The following ALPK3 variants were observed in gnomAD, a reference collection of about 807,000 sequenced individuals.
ALPK3 encodes the protein alpha-protein kinase 3.
A neutral mutation model predicts 140.0 loss-of-function variants in ALPK3; 102 were observed. That is an observed-to-expected ratio of 0.73 (90% CI 0.62 to 0.86). ALPK3 has a LOEUF of 0.86. Among genes scored for constraint, ALPK3 ranks in the 40% least tolerant of loss-of-function variants. The pLI is 0.00. For synonymous variants in ALPK3, 938 were observed against 898.5 expected, an observed-to-expected ratio of 1.04 and a Z score of -0.79; for missense variants, 2,254 against 2,208.2, an observed-to-expected ratio of 1.02 and a Z score of -0.42.
intron 3 of ALPK3, 69 bp from the exon 4 acceptor site, chr15:84,838,911 C>G: frequency 7.1e-7 from 1 of 1,400,878 alleles, no homozygotes; most frequent in Non-Finnish European, 1.0e-6. Flanking sequence ...CGTGAGCCAC[C>G]GTGCCCGGCC....
At position 84,868,294 on chromosome 15, in the gene ALPK3, G is replaced by C; in HGVS notation, c.4956G>C (p.Leu1652=). The change falls in exon 14 of 14, where the codon CTG becomes CTC. Residue 1652 remains leucine, a synonymous_variant. Coordinates refer to ENST00000258888, the MANE Select transcript of ALPK3 (RefSeq NM_020778.5). ...SPSAGRKGSQ[L]SPQPQKKGLP... ...CTGCTGGCAGGAAAGGCTCCCAGCT[G>C]AGTCCTCAGCCCCAGAAGAAAGGCC... 1.2e-6 allele frequency: 2 copies of C among 1,614,112 alleles called. No homozygotes were observed. The highest frequency in any genetic ancestry group is 1.1e-5 in the South Asian group (1 of 91,082).
chr15:84,829,243 G>A (rs1361898077), intron 3 of ALPK3, among the ~76,000 whole-genome samples: 1 of 152,170 alleles, frequency 6.6e-6, no homozygotes, highest in Admixed American at 6.5e-5. Flanking sequence ...TGTTATGGTA[G>A]ATAAGGAATT....
rs568637711 is a variant in ALPK3, at chr15:84,859,679, G to T, written c.3966-97G>T. 7.6e-6 allele frequency: 11 copies of T among 1,456,174 alleles called. No homozygotes were observed. In the Admixed American group the frequency reaches 2.8e-4, roughly 37 times the overall value. 90.2% of individuals were successfully genotyped at this position (1,456,174 alleles called of 1,614,324 possible). A position where few individuals can be genotyped will look rare whatever the true frequency, so the allele number is the denominator to read the frequency against. On this transcript the variant is annotated intron_variant, in intron 7 of 13. Coordinates refer to ENST00000258888, the MANE Select transcript of ALPK3 (RefSeq NM_020778.5). ...GCTTCCCCAAAGCTCTCAGAGCTGG[G>T]GTTCACAGCAGCCTCTGAGAGTGGG...
intron 5 of ALPK3, among the ~76,000 whole-genome samples, chr15:84,846,800 T>C (rs1333081207): frequency 1.3e-5 from 2 of 152,222 alleles, no homozygotes; most frequent in Non-Finnish European, 2.9e-5. Flanking sequence ...TTGCCCAGGC[T>C]GGATTGCCTG....
At chr15:84,837,208 T>C (rs1244474413) in intron 3 of ALPK3, among the ~76,000 whole-genome samples, 1 of 152,266 alleles carries the variant, frequency 6.6e-6, no homozygotes, top group East Asian at 1.9e-4. Flanking sequence ...TGGAGGAGGC[T>C]GTGGGGTCAA....
chr15:84,857,117 C>T lies in ALPK3; in HGVS notation c.2379C>T (p.Pro793=), dbSNP rs887413105. 2.5e-6 allele frequency: 4 copies of T among 1,614,150 alleles called. No homozygotes were observed. The highest frequency in any genetic ancestry group is 1.1e-5 in the South Asian group (1 of 91,084). The change falls in exon 6 of 14, where the codon CCC becomes CCT. Residue 793 remains proline (P), a synonymous_variant. Coordinates refer to ENST00000258888, the MANE Select transcript of ALPK3 (RefSeq NM_020778.5). ...SRNHEQTVLG[P]LSGNLMLPAQ... is the part of the protein sequence containing the mutation. ...ACCATGAGCAAACTGTGCTGGGTCC[C>T]CTGTCAGGGAACCTCATGCTCCCAG...
At position 84,856,859 on chromosome 15, in the gene ALPK3, G is replaced by T; in HGVS notation, c.2121G>T (p.Glu707Asp). Reference protein sequence around the residue: ...RMQGEKGMQGEKGTQSEGSAP... With the variant: ...RMQGEKGMQGDKGTQSEGSAP... Reference sequence around the variant, plus strand: ...AGGGAGAGAAGGGGATGCAGGGAGAGAAGGGGACGCAGTCAGAGGGGAGCG... The same window carrying T: ...AGGGAGAGAAGGGGATGCAGGGAGATAAGGGGACGCAGTCAGAGGGGAGCG... The change falls in exon 6 of 14, where the codon GAG (glutamate) becomes GAT (aspartate). Residue 707 changes from glutamate to aspartate, a missense_variant. Around this residue, in one of 3 missense-constraint regions of ALPK3, gnomAD observed 2,088 missense variants for 2,022.9 expected, o/e 1.03. Coordinates refer to ENST00000258888, the MANE Select transcript of ALPK3 (RefSeq NM_020778.5). 1 of 1,614,090 alleles carries T rather than the reference G, an allele frequency of 6.2e-7. No homozygotes were observed. Among genetic ancestry groups the T allele is most frequent in the Non-Finnish European group, 8.5e-7 (1 of 1,180,028 alleles).
Position 84,856,610 on chromosome 15 carries a change from A to C in ALPK3, c.1872A>C (p.Gly624=). The C allele has an allele frequency of 6.2e-7, 1 of 1,614,130 alleles. No homozygotes were observed. Among genetic ancestry groups the C allele is most frequent in the Non-Finnish European group, 8.5e-7 (1 of 1,180,014 alleles). The part of the protein sequence containing the change: ...GKIQVDGRTR[G]DGTQTAQRTR... ...TACAAGTGGATGGAAGGACCAGGGG[A>C]GATGGAACACAGACAGCCCAGAGGA... Residue 624 remains glycine (G), a synonymous_variant, in exon 6 of 14, where the codon GGA becomes GGC. Transcript: ENST00000258888.
chr15:84,860,846 C>T (rs932606903), intron 9 of ALPK3, among the ~76,000 whole-genome samples: 2 of 152,166 alleles, frequency 1.3e-5, no homozygotes, highest in African/African-American at 4.8e-5. Flanking sequence ...CCTCAGCCTC[C>T]CCAGTACCTG....
rs1963375138 is a variant in ALPK3, at chr15:84,817,574, T to G, written c.122T>G (p.Leu41Arg). 10 of 1,502,840 alleles carry G rather than the reference T, an allele frequency of 6.7e-6. No individual in the cohort carries two copies. The highest frequency in any genetic ancestry group is 8.8e-6 in the Non-Finnish European group (10 of 1,131,496). The allele number at this position is 1,502,840 out of a possible 1,614,324, so 93.1% of individuals were successfully genotyped here. The change falls in exon 1 of 14, where the codon CTC becomes CGC. Residue 41 changes from leucine (L) to arginine (R), a missense_variant. This residue lies in a region of ALPK3 where 2,088 missense variants were observed against 2,022.9 expected (regional missense o/e 1.03). Coordinates refer to ENST00000258888, the MANE Select transcript of ALPK3 (RefSeq NM_020778.5). Reference sequence around the variant, plus strand: ...AGCCCAGCCAGCCGGAGCTACCTGCTCAGCGTGCGGCCCGAGACCAGGTAA... The same window carrying G: ...AGCCCAGCCAGCCGGAGCTACCTGCGCAGCGTGCGGCCCGAGACCAGGTAA... The part of the protein sequence containing the change: ...IPSPASRSYL[L>R]SVRPETSLSS...
rs1388217340 is a variant in ALPK3 at position 84,871,368 on chromosome 15, T to G, written c.*2912T>G. On this transcript the variant is annotated 3_prime_UTR_variant, in exon 14 of 14. Transcript: ENST00000258888. ...CCTCTTTTACGTAGCAGCAATCATA[T>G]TTTCCCTTGATAGGGTTCATCATTC... The G allele has an allele frequency of 6.6e-6, 1 of 152,208 alleles. No individual in the cohort carries two copies. The highest frequency in any genetic ancestry group is 2.4e-5 in the African/African-American group (1 of 41,442). 9.4% of individuals were successfully genotyped at this position (152,208 alleles called of 1,614,324 possible).
chr15:84,863,121 C>T (rs554212401), intron 10 of ALPK3, among the ~76,000 whole-genome samples: 136 of 152,204 alleles, frequency 8.9e-4, no homozygotes, highest in African/African-American at 2.7e-3. Context: ...AGCTTCAAAA[C>T]GACTTGGGCC....
rs1963645128 is a variant in ALPK3, at chr15:84,840,261, C to T, written c.982C>T (p.Arg328Trp). ...KKDEESKQGL[R>W]KPELEKAAQS... ...AGATGAGGAATCCAAGCAAGGCCTGCGGAAGCCAGAGTTAGAGAAGGCAGC... is the reference window on the plus strand; with the variant it reads ...AGATGAGGAATCCAAGCAAGGCCTGTGGAAGCCAGAGTTAGAGAAGGCAGC... Residue 328 changes from arginine (R) to tryptophan (W), a missense_variant, in exon 5 of 14, where the codon CGG becomes TGG. Transcript: ENST00000258888. The T allele has an allele frequency of 4.3e-6, 7 of 1,613,608 alleles. No homozygotes were observed. The highest frequency in any genetic ancestry group is 4.0e-5 in the African/African-American group (3 of 74,934).
At chr15:84,852,611 G>A in intron 5 of ALPK3, 1 of 275,302 alleles carries the variant, frequency 3.6e-6, no homozygotes, top group Non-Finnish European at 7.1e-6. Flanking sequence ...TCTTTGAAAT[G>A]ACCTATAAAA....
chr15:84,834,755 TC>T (rs1295145005), intron 3 of ALPK3, among the ~76,000 whole-genome samples: 2 of 152,194 alleles, frequency 1.3e-5, no homozygotes, highest in Non-Finnish European at 2.9e-5. Flanking sequence ...GGCCACAGGC[TC>T]AAGTGCCGCC....
chr15:84,863,598 C>T lies in ALPK3; in HGVS notation c.4457C>T (p.Ala1486Val). 1 of 1,614,094 alleles carries T rather than the reference C, an allele frequency of 6.2e-7. No individual in the cohort carries two copies. The highest frequency in any genetic ancestry group is 1.1e-5 in the South Asian group (1 of 91,078). The change falls in exon 11 of 14, where the codon GCA becomes GTA. Residue 1486 changes from alanine (A) to valine (V), a missense_variant. Physicochemically the swap from Ala to Val is moderately conservative, Grantham distance 64. This residue lies in a region of ALPK3 where 2,088 missense variants were observed against 2,022.9 expected (regional missense o/e 1.03). Coordinates refer to ENST00000258888, the MANE Select transcript of ALPK3 (RefSeq NM_020778.5). ...NMSREYCKIF[A>V]AEARAAPGFG... is the part of the protein sequence containing the mutation. ...AGTCGGGAGTACTGCAAAATCTTCG[C>T]AGCAGAAGCCCGGGCCGCGCCTGGC...
intron 9 of ALPK3, among the ~76,000 whole-genome samples, chr15:84,861,373 T>C (rs1963943754): frequency 6.6e-6 from 1 of 152,176 alleles, no homozygotes; most frequent in Admixed American, 6.5e-5. Flanking sequence ...TTTTTTTTTT[T>C]GGAGGAGGGG....
chr15:84,823,327 T>C lies in ALPK3; in HGVS notation c.144-3T>C, dbSNP rs1403330790. The C allele has an allele frequency of 6.2e-7, 1 of 1,614,116 alleles. No individual in the cohort carries two copies. The highest frequency in any genetic ancestry group is 1.7e-5 in the Admixed American group (1 of 60,010). On this transcript the variant is annotated splice_region_variant and splice_polypyrimidine_tract_variant and intron_variant, in intron 1 of 13. Transcript: ENST00000258888. ...AATGATTCCATTTGCTGTTTTTGCT[T>C]AGCTTATCAAGCAACCGGTTGTCTC...
intron 5 of ALPK3, among the ~76,000 whole-genome samples, chr15:84,850,501 AG>A (rs1461169014): frequency 6.6e-6 from 1 of 152,020 alleles, no homozygotes; most frequent in Non-Finnish European, 1.5e-5. Flanking sequence ...CTCCCACCTC[AG>A]CCTCCAGAGT....
Sources: gnomAD v4.1 joint callset for allele counts (sites outside exome capture counted in the v4.1 genomes callset) on GRCh38, gnomAD v4.1.1 for gene constraint, gnomAD v4.1.1 regional missense constraint, MANE v1.5 for transcripts, NCBI Gene and HGNC (gene_info 2026-07-23, HGNC 2026-07-21) for gene names.